The following CTNNA3 variants were observed in gnomAD, a reference collection of about 807,000 sequenced individuals.
The protein encoded by CTNNA3 is catenin alpha 3, also known as catenin alpha-3.
CTNNA3 carries 76 observed loss-of-function variants against 95.7 expected under a neutral mutation model. The ratio of observed to expected loss-of-function variants is 0.79; its 90% CI spans 0.66 to 0.96. The LOEUF is 0.96. Among genes scored for constraint, CTNNA3 ranks in the 40% least tolerant of loss-of-function variants. The pLI is 0.00. For synonymous variants in CTNNA3, 431 were observed against 374.4 expected (o/e 1.15, Z -1.74); for missense variants, 1,191 against 1,089.8 (o/e 1.09, Z -1.31).
chr10:66,275,504 G>A (rs2091376100), intron 13 of CTNNA3, among the ~76,000 whole-genome samples: 1 of 152,172 alleles, frequency 6.6e-6, no homozygotes, highest in Non-Finnish European at 1.5e-5. Context: ...CTTAAAAGTA[G>A]AAATTCAGTA....
At chr10:66,775,736 A>G (rs1840270186) in intron 7 of CTNNA3, among the ~76,000 whole-genome samples, 1 of 152,166 alleles carries the variant, frequency 6.6e-6, no homozygotes, top group South Asian at 2.1e-4. Context: ...CTTCTGTAAT[A>G]TTTCCGATAC....
intron 7 of CTNNA3, chr10:67,015,503 T>C (rs1318387273): frequency 6.6e-6 from 1 of 152,210 alleles, no homozygotes; most frequent in Non-Finnish European, 1.5e-5. Flanking sequence ...CTCTGGGTTC[T>C]CATATTACGT....
intron 4 of CTNNA3, among the ~76,000 whole-genome samples, chr10:67,528,182 A>G (rs1840208413): frequency 6.6e-6 from 1 of 152,204 alleles, no homozygotes; most frequent in Non-Finnish European, 1.5e-5. Flanking sequence ...TTCTTTAGGG[A>G]TGAACTAAAT....
chr10:67,632,086 A>T (rs1006855917), intron 2 of CTNNA3, among the ~76,000 whole-genome samples: 1 of 150,346 alleles, frequency 6.7e-6, no homozygotes, highest in Admixed American at 6.6e-5. Flanking sequence ...TGTATTCTTT[A>T]CTTGAAATTT....
At chr10:67,359,076 A>G (rs1842913495) in intron 5 of CTNNA3, among the ~76,000 whole-genome samples, 1 of 152,092 alleles carries the variant, frequency 6.6e-6, no homozygotes, top group Non-Finnish European at 1.5e-5. Context: ...AATATGCATC[A>G]CCTGTGAAAC....
chr10:67,451,593 C>T (rs924788838), intron 5 of CTNNA3, among the ~76,000 whole-genome samples: 1 of 152,190 alleles, frequency 6.6e-6, no homozygotes, highest in South Asian at 2.1e-4. Context: ...TGGCTCTTAT[C>T]CTAGATTCTG....
intron 9 of CTNNA3, among the ~76,000 whole-genome samples, chr10:66,670,136 T>C (rs1020349704): frequency 6.6e-6 from 1 of 152,138 alleles, no homozygotes; most frequent in Admixed American, 6.5e-5. Context: ...ATGAGAGTAA[T>C]ATGTCCACTA....
chr10:66,758,979 A>G (rs1425666929), intron 9 of CTNNA3, among the ~76,000 whole-genome samples: 2 of 152,182 alleles, frequency 1.3e-5, no homozygotes, highest in African/African-American at 4.8e-5. Flanking sequence ...CTTTGGGTAC[A>G]TAATTTTAGC....
intron 5 of CTNNA3, among the ~76,000 whole-genome samples, chr10:67,437,614 T>C (rs1846347033): frequency 6.6e-6 from 1 of 152,118 alleles, no homozygotes; most frequent in Middle Eastern, 3.2e-3. Flanking sequence ...TGAGTTGTAA[T>C]ATAAATTAGT....
At position 66,358,015 on chromosome 10, in the gene CTNNA3, T is replaced by C. The variant is rs558912439; in HGVS notation, c.1732+21137A>G. On this transcript the variant is annotated intron_variant, in intron 12 of 17. Transcript: ENST00000433211. Reference sequence around the variant, plus strand: ...CAAGCACTTGGTTCATTTCATCTAGTTCATTAAATGTATGTGCATAGACGT... The same window carrying C: ...CAAGCACTTGGTTCATTTCATCTAGCTCATTAAATGTATGTGCATAGACGT... Among the ~76,000 whole-genome samples, 11 of 152,308 alleles carry C rather than the reference T, an allele frequency of 7.2e-5. No homozygotes were observed. In the South Asian group the frequency reaches 8.3e-4, roughly 11 times the overall value.
At chr10:66,722,369 C>A (rs1055707137) in intron 9 of CTNNA3, among the ~76,000 whole-genome samples, 3 of 114,440 alleles carry the variant, frequency 2.6e-5, no homozygotes, top group African/African-American at 5.9e-5. Flanking sequence ...CAGAGCGAGA[C>A]CCTGTCTCAA....
In CTNNA3 at chr10:66,174,172, C is replaced by T. The variant is rs894527852; in HGVS notation, c.1885-70923G>A. Among the ~76,000 whole-genome samples the T allele has an allele frequency of 1.9e-4, 29 of 152,028 alleles. 1 individual carries two copies. The highest frequency in any genetic ancestry group is 6.6e-4 in the Admixed American group (10 of 15,252). On this transcript the variant is annotated intron_variant, in intron 13 of 17. Transcript: ENST00000433211. ...CCAAGCTCACACAGCTAGAAAAAGGCGGATTGGAATTTTAGTCTAAGGAAG... is the reference window on the plus strand; with the variant it reads ...CCAAGCTCACACAGCTAGAAAAAGGTGGATTGGAATTTTAGTCTAAGGAAG...
rs1027386053 is a variant in CTNNA3, at chr10:66,328,692, T to C, written c.1733-48071A>G. ...AAATGAGGAATGACCCATGCAATTA[T>C]GGAGGCTGAGAAGCCCACAATATGC... On this transcript the variant is annotated intron_variant, in intron 12 of 17. Transcript: ENST00000433211. Among the ~76,000 whole-genome samples the C allele has an allele frequency of 2.0e-5, 3 of 151,448 alleles. 1 individual carries two copies. Among genetic ancestry groups the C allele is most frequent in the Admixed American group, 6.6e-5 (1 of 15,168 alleles).
chr10:66,610,860 A>C (rs1049681254), intron 10 of CTNNA3, among the ~76,000 whole-genome samples: 5 of 152,278 alleles, frequency 3.3e-5, no homozygotes, highest in South Asian at 4.1e-4. Context: ...CACAATAGCC[A>C]AAATCCATAT....
intron 10 of CTNNA3, among the ~76,000 whole-genome samples, chr10:66,587,572 A>T (rs960193565): frequency 1.7e-4 from 26 of 152,104 alleles, no homozygotes; most frequent in African/African-American, 6.3e-4. Flanking sequence ...CAGCGGCCCC[A>T]GTGAGGATCA....
chr10:66,720,383 G>C (rs919091308), intron 9 of CTNNA3, among the ~76,000 whole-genome samples: 8 of 152,138 alleles, frequency 5.3e-5, no homozygotes, highest in Admixed American at 3.9e-4. Context: ...GAAAGATAAG[G>C]TCAACTCATC....
chr10:65,990,096 T>TATAC (rs1564562613), intron 15 of CTNNA3, among the ~76,000 whole-genome samples: 1 of 147,444 alleles, frequency 6.8e-6, no homozygotes. Context: ...TGTGTGTGTA[T>TATAC]ACACACACAC....
intron 13 of CTNNA3, among the ~76,000 whole-genome samples, chr10:66,243,294 C>T (rs1216880611): frequency 6.6e-6 from 1 of 152,190 alleles, no homozygotes; most frequent in African/African-American, 2.4e-5. Flanking sequence ...AATCAACATT[C>T]TGTAGAGAAT....
chr10:66,463,684 C>A (rs138643488), intron 11 of CTNNA3, among the ~76,000 whole-genome samples: 118 of 152,140 alleles, frequency 7.8e-4, no homozygotes, highest in Non-Finnish European at 1.4e-3. Flanking sequence ...CTCATGTATA[C>A]CCTCTATTCT....
Sources: gnomAD v4.1 joint callset for allele counts (sites outside exome capture counted in the v4.1 genomes callset) on GRCh38, gnomAD v4.1.1 for gene constraint, MANE v1.5 for transcripts, NCBI Gene and HGNC (gene_info 2026-07-23, HGNC 2026-07-21) for gene names.